The following LRFN5 variants were observed in gnomAD, a reference collection of about 807,000 sequenced individuals.
LRFN5 encodes leucine rich repeat and fibronectin type III domain containing 5.
A neutral mutation model predicts 45.6 loss-of-function variants in LRFN5; 24 were observed. The observed-to-expected ratio is 0.53, with a 90% CI of 0.38 to 0.74. The LOEUF is 0.74. Among genes scored for constraint, LRFN5 ranks in the 30% least tolerant of loss-of-function variants. The pLI is 0.00. For synonymous variants in LRFN5, 340 were observed against 313.8 expected (o/e 1.08, Z -0.88); for missense variants, 776 against 861.5 (o/e 0.90, Z 1.24).
At chr14:41,698,548 A>C (rs977652906) in intron 1 of LRFN5, among the ~76,000 whole-genome samples, 2 of 152,078 alleles carry the variant, frequency 1.3e-5, no homozygotes, top group African/African-American at 4.8e-5. Flanking sequence ...TCGGGTATCT[A>C]TATGTTTAAA....
chr14:41,759,448 TACA>T (rs1397861018), intron 1 of LRFN5, among the ~76,000 whole-genome samples: 36 of 109,734 alleles, frequency 3.3e-4, no homozygotes, highest in Non-Finnish European at 6.3e-4. Context: ...TCTCTCTCTC[TACA>T]CACACACACA....
intron 1 of LRFN5, among the ~76,000 whole-genome samples, chr14:41,671,994 C>T (rs907676485): frequency 6.6e-6 from 1 of 152,196 alleles, no homozygotes; most frequent in Non-Finnish European, 1.5e-5. Context: ...CAAGGTCTAA[C>T]CATGCTTATT....
At chr14:41,863,317 G>C (rs953578461) in intron 2 of LRFN5, among the ~76,000 whole-genome samples, 1 of 151,984 alleles carries the variant, frequency 6.6e-6, no homozygotes, top group African/African-American at 2.4e-5. Context: ...ACTTGCTTAG[G>C]ATTAATTTGT....
intron 1 of LRFN5, among the ~76,000 whole-genome samples, chr14:41,671,768 A>G (rs896979654): frequency 2.6e-5 from 4 of 151,900 alleles, no homozygotes; most frequent in African/African-American, 7.2e-5. Context: ...ACAGGTGTGC[A>G]CCATCATGCC....
intron 1 of LRFN5, among the ~76,000 whole-genome samples, chr14:41,701,738 G>C (rs956336145): frequency 1.3e-5 from 2 of 152,084 alleles, no homozygotes; most frequent in African/African-American, 4.8e-5. Flanking sequence ...AAGAGGACTC[G>C]TTGTTGAGAA....
At chr14:41,632,562 T>C (rs147477933) in intron 1 of LRFN5, among the ~76,000 whole-genome samples, 125 of 152,260 alleles carry the variant, frequency 8.2e-4, no homozygotes, top group Non-Finnish European at 1.2e-3. Flanking sequence ...GAGATCGCAC[T>C]ATTGCACTCC....
chr14:41,864,437 T>G (rs1889772686), intron 2 of LRFN5, among the ~76,000 whole-genome samples: 1 of 152,228 alleles, frequency 6.6e-6, no homozygotes, highest in Admixed American at 6.5e-5. Context: ...GATGAGCATT[T>G]TTTCATATGT....
At chr14:41,756,509 A>C (rs1378476645) in intron 1 of LRFN5, among the ~76,000 whole-genome samples, 1 of 151,920 alleles carries the variant, frequency 6.6e-6, no homozygotes, top group East Asian at 1.9e-4. Flanking sequence ...GCTTCATTTC[A>C]TCTTCCATCA....
At chr14:41,710,984 C>CCATATTTTTAAA (rs1883260810) in intron 1 of LRFN5, among the ~76,000 whole-genome samples, 1 of 151,982 alleles carries the variant, frequency 6.6e-6, no homozygotes, top group African/African-American at 2.4e-5. Context: ...TGTATATGTG[C>CCATATTTTTAAA]TGATGCATTT....
intron 2 of LRFN5, among the ~76,000 whole-genome samples, chr14:41,795,240 C>G (rs952231993): frequency 1.6e-4 from 25 of 152,004 alleles, no homozygotes; most frequent in African/African-American, 6.0e-4. Context: ...CCATCTCACA[C>G]CAGTTAGAAT....
At chr14:41,844,230 G>A (rs745848780) in intron 2 of LRFN5, among the ~76,000 whole-genome samples, 1 of 152,110 alleles carries the variant, frequency 6.6e-6, no homozygotes, top group African/African-American at 2.4e-5. Flanking sequence ...GAGGTCAGGA[G>A]ATCGAGACCA....
At chr14:41,622,838 C>G (rs1888182828) in intron 1 of LRFN5, among the ~76,000 whole-genome samples, 1 of 152,000 alleles carries the variant, frequency 6.6e-6, no homozygotes. Flanking sequence ...CAGAATTCTC[C>G]ATTATGATTT....
intron 1 of LRFN5, among the ~76,000 whole-genome samples, chr14:41,683,181 A>G (rs1202338809): frequency 6.6e-6 from 1 of 152,214 alleles, no homozygotes; most frequent in African/African-American, 2.4e-5. Context: ...ACACCAATCA[A>G]TGTGATACAT....
At chr14:41,621,362 G>T (rs142034670) in intron 1 of LRFN5, among the ~76,000 whole-genome samples, 9 of 152,210 alleles carry the variant, frequency 5.9e-5, no homozygotes, top group Non-Finnish European at 1.2e-4. Flanking sequence ...TGATTCTTAA[G>T]TGGAGAAACT....
chr14:41,795,443 T>C (rs966303860), intron 2 of LRFN5, among the ~76,000 whole-genome samples: 1 of 152,052 alleles, frequency 6.6e-6, no homozygotes, highest in South Asian at 2.1e-4. Flanking sequence ...ACCCAAAGGA[T>C]TATAAATCAT....
At chr14:41,743,188 ATGT>A (rs1366133023) in intron 1 of LRFN5, among the ~76,000 whole-genome samples, 1 of 152,210 alleles carries the variant, frequency 6.6e-6, no homozygotes, top group Non-Finnish European at 1.5e-5. Context: ...GAAACATTTC[ATGT>A]TGTGCATTTT....
chr14:41,795,507 C>T (rs1887089107), intron 2 of LRFN5, among the ~76,000 whole-genome samples: 1 of 152,044 alleles, frequency 6.6e-6, no homozygotes, highest in South Asian at 2.1e-4. Context: ...ATTACAATAG[C>T]AAAGACTTGG....
At chr14:41,744,644 A>G (rs1884843859) in intron 1 of LRFN5, among the ~76,000 whole-genome samples, 2 of 152,126 alleles carry the variant, frequency 1.3e-5, no homozygotes, top group Non-Finnish European at 1.5e-5. Context: ...TGCTGTTCAC[A>G]AGAGACTCAG....
In LRFN5 at chr14:41,768,481, T is replaced by G. The variant is rs1885967785; in HGVS notation, c.-21+1452T>G. Reference sequence around the variant, plus strand: ...TACCTGGTACTGCTTTTGTACATAATTTATTCATTTATTTTAGGAATTGCT... The same window carrying G: ...TACCTGGTACTGCTTTTGTACATAAGTTATTCATTTATTTTAGGAATTGCT... On this transcript the variant is annotated intron_variant, in intron 2 of 5. Coordinates refer to ENST00000298119, the MANE Select transcript of LRFN5 (RefSeq NM_152447.5). Among the ~76,000 whole-genome samples, 7 of 152,266 alleles carry G rather than the reference T, an allele frequency of 4.6e-5. No homozygotes were observed. In the South Asian group the frequency reaches 1.4e-3, roughly 32 times the overall value.
Sources: allele counts gnomAD v4.1 joint callset (sites outside exome capture counted in the v4.1 genomes callset), GRCh38; gene constraint gnomAD v4.1.1; transcripts MANE v1.5; gene names NCBI Gene and HGNC (gene_info 2026-07-23, HGNC 2026-07-21).